CNBD1: variants seen among roughly 807,000 people sequenced by gnomAD.
CNBD1 encodes the protein cyclic nucleotide-binding domain-containing protein 1.
CNBD1 carries 71 observed loss-of-function variants against 54.4 expected under a neutral mutation model. The ratio of observed to expected loss-of-function variants is 1.30; its 90% confidence interval spans 1.08 to 1.59. The LOEUF (loss-of-function observed/expected upper bound fraction) is 1.59. Ranked by LOEUF, CNBD1 falls within the 40% of genes most tolerant of loss-of-function variation. The probability of loss-of-function intolerance (pLI) is 0.00; values close to 1 mark genes in which losing one functional copy is unlikely to be tolerated. For synonymous variants in CNBD1, 182 were observed against 170.7 expected (o/e 1.07, Z -0.51); for missense variants, 659 against 518.0 (o/e 1.27, Z -2.64).
chr8:87,175,052 G>C (rs956697956), intron 4 of CNBD1, among the ~76,000 whole-genome samples: 1 of 152,134 alleles, frequency 6.6e-6, no homozygotes, highest in Non-Finnish European at 1.5e-5. Flanking sequence ...TCTCACTCAA[G>C]GCCCTCTGAT....
At chr8:86,944,881 CTG>C (rs1318843533) in intron 4 of CNBD1, among the ~76,000 whole-genome samples, 1 of 152,108 alleles carries the variant, frequency 6.6e-6, no homozygotes, top group Admixed American at 6.5e-5. Flanking sequence ...GGCCCATATT[CTG>C]TGTTAGGGAT....
At chr8:87,334,340 T>C (rs971298243) in intron 8 of CNBD1, among the ~76,000 whole-genome samples, 5 of 152,108 alleles carry the variant, frequency 3.3e-5, no homozygotes, top group Non-Finnish European at 4.4e-5. Flanking sequence ...CCTGGATTCA[T>C]TGATTTTTTT....
At chr8:87,004,740 AC>A (rs1240632679) in intron 4 of CNBD1, among the ~76,000 whole-genome samples, 2 of 152,084 alleles carry the variant, frequency 1.3e-5, no homozygotes, top group Non-Finnish European at 2.9e-5. Flanking sequence ...GTAAGAAGGA[AC>A]CTAAAACTAG....
intron 1 of CNBD1, among the ~76,000 whole-genome samples, chr8:86,883,715 A>C (rs1808637020): frequency 6.6e-6 from 1 of 152,204 alleles, no homozygotes; most frequent in Non-Finnish European, 1.5e-5. Flanking sequence ...TAATGAAAAA[A>C]ATTTCAAAAA....
chr8:87,261,786 G>A (rs1425037436), intron 6 of CNBD1, among the ~76,000 whole-genome samples: 2 of 152,062 alleles, frequency 1.3e-5, no homozygotes, highest in Non-Finnish European at 2.9e-5. Flanking sequence ...CTCAAATATA[G>A]TAGTACAGAG....
intron 2 of CNBD1, among the ~76,000 whole-genome samples, chr8:87,421,566 A>G (rs1356056652): frequency 6.6e-6 from 1 of 151,576 alleles, no homozygotes; most frequent in Admixed American, 6.6e-5. Context: ...GAGAATGATG[A>G]TTTCCGATTT....
At chr8:87,267,456 G>A (rs1586377617) in intron 6 of CNBD1, among the ~76,000 whole-genome samples, 1 of 152,114 alleles carries the variant, frequency 6.6e-6, no homozygotes, top group Non-Finnish European at 1.5e-5. Flanking sequence ...AAGAATTTGT[G>A]TTTTGGAAAA....
At chr8:87,414,977 A>C (rs1333902335) in intron 2 of CNBD1, among the ~76,000 whole-genome samples, 1 of 152,034 alleles carries the variant, frequency 6.6e-6, no homozygotes, top group Non-Finnish European at 1.5e-5. Context: ...GGGTGGCTGG[A>C]TGCTGCAGAT....
intron 8 of CNBD1, among the ~76,000 whole-genome samples, chr8:87,294,459 C>G (rs1265487528): frequency 6.6e-6 from 1 of 152,126 alleles, no homozygotes; most frequent in Non-Finnish European, 1.5e-5. Flanking sequence ...GGGACCTGTG[C>G]TCTCACCCAC....
At chr8:87,056,855 A>G (rs181893063) in intron 4 of CNBD1, among the ~76,000 whole-genome samples, 80 of 152,304 alleles carry the variant, frequency 5.3e-4, no homozygotes, top group African/African-American at 1.9e-3. Flanking sequence ...ATAGCAAAAC[A>G]AGTTTGCACA....
intron 4 of CNBD1, among the ~76,000 whole-genome samples, chr8:87,169,388 C>A (rs1303517773): frequency 6.6e-6 from 1 of 152,068 alleles, no homozygotes; most frequent in Non-Finnish European, 1.5e-5. Context: ...GTTTCCTTTG[C>A]TGTGCAAAAG....
chr8:87,208,359 A>G (rs1814022023), intron 5 of CNBD1, among the ~76,000 whole-genome samples: 1 of 152,068 alleles, frequency 6.6e-6, no homozygotes. Context: ...TGTCTAAGTT[A>G]AAATGCTACA....
chr8:87,139,566 A>G (rs1812330226), intron 4 of CNBD1, among the ~76,000 whole-genome samples: 1 of 152,186 alleles, frequency 6.6e-6, no homozygotes, highest in Non-Finnish European at 1.5e-5. Flanking sequence ...GAACTTGGGA[A>G]CAGCCACCTT....
At chr8:87,081,118 G>GT (rs1810981400) in intron 4 of CNBD1, among the ~76,000 whole-genome samples, 1 of 151,518 alleles carries the variant, frequency 6.6e-6, no homozygotes, top group Non-Finnish European at 1.5e-5. Flanking sequence ...AACTTTTATT[G>GT]TTTTTTAAAA....
intron 4 of CNBD1, among the ~76,000 whole-genome samples, chr8:87,053,549 C>A (rs951457324): frequency 6.6e-6 from 1 of 152,206 alleles, no homozygotes; most frequent in Non-Finnish European, 1.5e-5. Context: ...CCCCCTCTCC[C>A]CTTCTCTCTT....
chr8:87,312,263 G>A (rs1272244864), intron 8 of CNBD1, among the ~76,000 whole-genome samples: 1 of 151,900 alleles, frequency 6.6e-6, no homozygotes, highest in Non-Finnish European at 1.5e-5. Context: ...ATTCCTTGTT[G>A]CAAGGTTGCA....
intron 8 of CNBD1, among the ~76,000 whole-genome samples, chr8:87,293,068 G>T (rs927456122): frequency 6.6e-6 from 1 of 152,004 alleles, no homozygotes; most frequent in African/African-American, 2.4e-5. Context: ...CTGCGCACTG[G>T]GTGTTCATTC....
intron 3 of CNBD1, among the ~76,000 whole-genome samples, chr8:86,912,862 A>G (rs1165825780): frequency 6.6e-6 from 1 of 152,180 alleles, no homozygotes; most frequent in Non-Finnish European, 1.5e-5. Context: ...GAAGACAGTG[A>G]TATCAATGAT....
At chr8:87,162,192 G>T (rs151225480) in intron 4 of CNBD1, among the ~76,000 whole-genome samples, 1 of 151,926 alleles carries the variant, frequency 6.6e-6, no homozygotes, top group Admixed American at 6.6e-5. Context: ...ACTAAATAGA[G>T]CATAGAAGAA....
Sources: gnomAD v4.1 joint callset for allele counts (sites outside exome capture counted in the v4.1 genomes callset) on GRCh38, gnomAD v4.1.1 for gene constraint, MANE v1.5 for transcripts, NCBI Gene and HGNC (gene_info 2026-07-23, HGNC 2026-07-21) for gene names.